Variants in TMEM235 observed in about 807,000 individuals in gnomAD.
The protein encoded by TMEM235 is claudin-27.
TMEM235 carries 23 observed loss-of-function variants against 22.9 expected under a neutral mutation model. That is an observed-to-expected ratio of 1.00 (90% CI 0.72 to 1.42). TMEM235 has a LOEUF of 1.42. TMEM235 is among the 40% of genes most tolerant of loss of function. The pLI is 0.00. For missense variants in TMEM235, 308 were observed against 299.5 expected, an observed-to-expected ratio of 1.03 and a Z score of -0.21; for synonymous variants, 137 against 140.5, an observed-to-expected ratio of 0.98 and a Z score of 0.17.
At chr17:78,236,209 C>G (rs560063663) in intron 4 of TMEM235, among the ~76,000 whole-genome samples, 2 of 152,238 alleles carry the variant, frequency 1.3e-5, no homozygotes, top group African/African-American at 4.8e-5. Context: ...AACCCCAGGA[C>G]CTGCTCTACT....
exon 2 of TMEM235, chr17:78,231,829 G>A (rs1394488914): frequency 8.3e-7 from 1 of 1,200,942 alleles, no homozygotes; most frequent in Non-Finnish European, 1.1e-6. Context: ...CGACCGCAGA[G>A]AGGTGGGGTC....
chr17:78,236,339 C>T (rs926541297), intron 4 of TMEM235, among the ~76,000 whole-genome samples: 2 of 152,224 alleles, frequency 1.3e-5, no homozygotes, highest in African/African-American at 2.4e-5. Context: ...CAGGGCCAGG[C>T]ATGAAGGCAG....
chr17:78,235,090 A>G (rs2076628351), intron 4 of TMEM235, among the ~76,000 whole-genome samples: 1 of 152,204 alleles, frequency 6.6e-6, no homozygotes. Context: ...CCCCATCTTT[A>G]CTAAAAACAC....
At chr17:78,234,819 C>A in intron 4 of TMEM235, 89 bp downstream of exon 3, 4 of 1,487,886 alleles carry the variant, frequency 2.7e-6, no homozygotes, top group Non-Finnish European at 3.6e-6. Context: ...CTGTTGCCCT[C>A]GTCCCCTGCT....
At chr17:78,231,946 G>A in exon 2 of TMEM235, 1 of 835,804 alleles carries the variant, frequency 1.2e-6, no homozygotes, top group Non-Finnish European at 1.4e-6. Flanking sequence ...CCCGTCCCCC[G>A]GCTCCCGGCT....
Position 78,232,216 on chromosome 17 carries a change from A to C in TMEM235, c.190+3A>C, listed in dbSNP as rs2076590388. 9.6e-6 allele frequency: 14 copies of C among 1,457,836 alleles called. No homozygotes were observed. The highest frequency in any genetic ancestry group is 1.3e-5 in the Non-Finnish European group (14 of 1,109,884). 90.3% of individuals were successfully genotyped at this position (1,457,836 alleles called of 1,614,324 possible). ...GGGGCTCTGGCGCATCTGCGAAGGT[A>C]ACCGGCCACCGCGCCGGCCCTCCTC... On this transcript the variant is annotated splice_donor_region_variant and intron_variant, in intron 2 of 5. Transcript: ENST00000421688.
At chr17:78,239,826 C>T in exon 6 of TMEM235, 1 of 1,551,292 alleles carries the variant, frequency 6.4e-7, no homozygotes, top group South Asian at 1.2e-5. Context: ...ACCCAGATCG[C>T]CTGGCGCCAG....
Position 78,237,804 on chromosome 17 carries a change from G to A in TMEM235, c.410-1220G>A, listed in dbSNP as rs538606459. Among the ~76,000 whole-genome samples, 6 of 152,236 alleles carry A rather than the reference G, an allele frequency of 3.9e-5. No individual in the cohort carries two copies. The highest frequency in any genetic ancestry group is 3.9e-4 in the East Asian group (2 of 5,160). ...ATTTCTGTTGCTACGCTGCCCAGCC[G>A]GGCAGGCATCCGTGTGTCCTCCCTC... On this transcript the variant is annotated intron_variant, in intron 4 of 5. Transcript: ENST00000421688. This position sits in a 1 kb window ranked among gnomAD's most constrained non-coding sequence, Gnocchi z 4.7.
exon 5 of TMEM235, chr17:78,239,111 A>C (rs572657572): frequency 1.3e-6 from 2 of 1,543,980 alleles, no homozygotes; most frequent in East Asian, 2.4e-5. Context: ...GGCCCGCAGC[A>C]CATGCAGGGC....
At chr17:78,233,182 C>T (rs115937636) in intron 2 of TMEM235, among the ~76,000 whole-genome samples, 1,607 of 152,324 alleles carry the variant, frequency 0.011, 38 homozygotes, top group African/African-American at 0.036. Context: ...TGGCTCTGCA[C>T]GCGTGTGAGA....
At chr17:78,233,832 C>G (rs1567873053) in intron 2 of TMEM235, 63 bp from the exon 2 acceptor site, 1 of 1,488,714 alleles carries the variant, frequency 6.7e-7, no homozygotes, top group Non-Finnish European at 9.0e-7. Flanking sequence ...CCCCTGGGCT[C>G]GGGTAGGCTG....
intron 2 of TMEM235, 48 bp from the exon 2 acceptor site, chr17:78,233,847 G>A (rs1473815727): frequency 3.3e-6 from 5 of 1,522,300 alleles, no homozygotes; most frequent in Non-Finnish European, 4.4e-6. Context: ...AGGCTGCTGG[G>A]TGCACCACAG....
rs557592120 is a variant in TMEM235, at chr17:78,235,852, C to T, written c.409+1122C>T. Among the ~76,000 whole-genome samples the T allele has an allele frequency of 3.9e-5, 6 of 152,254 alleles. 1 individual carries two copies. In the South Asian group the frequency reaches 8.3e-4, roughly 21 times the overall value. On this transcript the variant is annotated intron_variant, in intron 4 of 5. Coordinates refer to ENST00000421688, the Ensembl canonical transcript of TMEM235. Reference sequence around the variant, plus strand: ...TTCTGACCTTGTGATCCTCCTGCCTCGGCCTCCCAAAGTGCTGTGATTACA... The same window carrying T: ...TTCTGACCTTGTGATCCTCCTGCCTTGGCCTCCCAAAGTGCTGTGATTACA...
rs55893266 is a variant in TMEM235, at chr17:78,238,550, CTGTGTGTGTGTGTG to C, written c.410-451_410-438del. 6.6e-3 allele frequency among the ~76,000 whole-genome samples: 918 copies of C among 138,324 alleles called. 18 individuals are homozygous for C. Among genetic ancestry groups the C allele is most frequent in the African/African-American group, 0.023 (859 of 37,166 alleles). The allele number at this position is 138,324 out of a possible 152,430, so 90.7% of individuals were successfully genotyped here. On this transcript the variant is annotated intron_variant, in intron 4 of 5. Coordinates refer to ENST00000421688, the Ensembl canonical transcript of TMEM235. The surrounding 1 kb of genome is among the most constrained non-coding windows in gnomAD (Gnocchi z 4.3). ...GCTGCTGCCAGCAGAGGCCATGGCT[CTGTGTGTGTGTGTG>C]TGTGTGTGTGTGTGTGTGTGTGAAT...
chr17:78,238,923 C>G lies in TMEM235; in HGVS notation c.410-101C>G, dbSNP rs1832399383. On this transcript the variant is annotated intron_variant, in intron 4 of 5. Coordinates refer to ENST00000421688, the Ensembl canonical transcript of TMEM235. The surrounding 1 kb of genome is among the most constrained non-coding windows in gnomAD (Gnocchi z 4.3). ...TGCTGCCTGCAGCTCTGCCTGAATGCTAGCGGGGCCGGGGATGCTGAGGCC... is the reference window on the plus strand; with the variant it reads ...TGCTGCCTGCAGCTCTGCCTGAATGGTAGCGGGGCCGGGGATGCTGAGGCC... 1.4e-6 allele frequency: 2 copies of G among 1,452,604 alleles called. No individual in the cohort carries two copies. The highest frequency in any genetic ancestry group is 1.8e-6 in the Non-Finnish European group (2 of 1,096,726). The allele number at this position is 1,452,604 out of a possible 1,614,324, so 90.0% of individuals were successfully genotyped here. A position where few individuals can be genotyped will look rare whatever the true frequency, so the allele number is the denominator to read the frequency against.
chr17:78,234,947 C>T (rs949769170), intron 4 of TMEM235, among the ~76,000 whole-genome samples: 2 of 152,156 alleles, frequency 1.3e-5, no homozygotes, highest in Non-Finnish European at 1.5e-5. Context: ...CCTGAGACTG[C>T]GTAATTTATA....
At chr17:78,232,565 T>A (rs547533577) in intron 2 of TMEM235, among the ~76,000 whole-genome samples, 1 of 152,350 alleles carries the variant, frequency 6.6e-6, no homozygotes, top group African/African-American at 2.4e-5. Context: ...GGTTTGGGCC[T>A]GGCAGCCCCT....
At chr17:78,232,505 G>A (rs112544044) in intron 2 of TMEM235, among the ~76,000 whole-genome samples, 1 of 152,180 alleles carries the variant, frequency 6.6e-6, no homozygotes, top group African/African-American at 2.4e-5. Flanking sequence ...TGTGTAGTTG[G>A]GGGGCCTCAT....
exon 2 of TMEM235, chr17:78,232,179 C>G: frequency 3.3e-6 from 5 of 1,493,146 alleles, no homozygotes; most frequent in Non-Finnish European, 4.4e-6. Context: ...CAGAGCTGCT[C>G]TCCTCGCACT....
Sources: allele counts gnomAD v4.1 joint callset (sites outside exome capture counted in the v4.1 genomes callset), GRCh38; gene constraint gnomAD v4.1.1; non-coding constraint Gnocchi (gnomAD v3.1); transcripts MANE v1.5; gene names NCBI Gene and HGNC (gene_info 2026-07-23, HGNC 2026-07-21).